DUOXA2: variants seen among roughly 807,000 people sequenced by gnomAD.
DUOXA2 encodes the protein dual oxidase maturation factor 2.
In DUOXA2, 22 loss-of-function variants were observed where a neutral mutation model predicts 27.6. The observed-to-expected ratio is 0.80, with a 90% CI of 0.57 to 1.14. The LOEUF (loss-of-function observed/expected upper bound fraction) is 1.14. DUOXA2 is among the 50% of genes most tolerant of loss of function. The pLI, the probability that DUOXA2 is intolerant of heterozygous loss-of-function variation, is 0.00. For missense variants in DUOXA2, 481 were observed against 419.9 expected, an observed-to-expected ratio of 1.15 and a Z score of -1.27; for synonymous variants, 188 against 184.4, an observed-to-expected ratio of 1.02 and a Z score of -0.16.
chr15:45,117,588 C>T (rs771005193), intron 5 of DUOXA2, 128 bp from the exon 6 acceptor site: 2 of 1,610,678 alleles, frequency 1.2e-6, no homozygotes, highest in Admixed American at 1.7e-5. Context: ...CCGGGCATCA[C>T]GCCTGTAATC....
intron 4 of DUOXA2, 122 bp downstream of exon 4, chr15:45,116,851 T>C: frequency 7.9e-7 from 1 of 1,261,012 alleles, no homozygotes; most frequent in Non-Finnish European, 1.1e-6. Context: ...GCGCTCGGGG[T>C]GGGCATGACA....
chr15:45,115,839 T>C lies in DUOXA2; in HGVS notation c.188T>C (p.Ile63Thr), dbSNP rs1447131524. 7 of 1,613,904 alleles carry C rather than the reference T, an allele frequency of 4.3e-6. No homozygotes were observed. Among genetic ancestry groups the C allele is most frequent in the Non-Finnish European group, 5.9e-6 (7 of 1,180,006 alleles). ...WLVRVLLSLF[I>T]GAEIVAVHFS... is the part of the protein sequence containing the mutation. Reference sequence around the variant, plus strand: ...GTGAGAGTTCTTCTCAGTCTGTTCATAGGCGCAGAAATTGTGGGTGAGTGT... The same window carrying C: ...GTGAGAGTTCTTCTCAGTCTGTTCACAGGCGCAGAAATTGTGGGTGAGTGT... Residue 63 changes from isoleucine (I) to threonine (T), a missense_variant, in exon 2 of 6, where the codon ATA becomes ACA. Transcript: ENST00000323030.
At position 45,118,356 on chromosome 15, in the gene DUOXA2, C is replaced by G; in HGVS notation, c.*447C>G. ...GAGGCAGGTCACCCACTCCCCCGTC[C>G]TGGATGCCACTCAGCTAGCCCAGCT... On this transcript the variant is annotated 3_prime_UTR_variant, in exon 6 of 6. Coordinates refer to ENST00000323030, the MANE Select transcript of DUOXA2 (RefSeq NM_207581.4). 2 of 1,157,382 alleles carry G rather than the reference C, an allele frequency of 1.7e-6. No individual in the cohort carries two copies. The highest frequency in any genetic ancestry group is 2.1e-6 in the Non-Finnish European group (2 of 938,234). 71.7% of individuals were successfully genotyped at this position (1,157,382 alleles called of 1,614,324 possible).
chr15:45,116,431 C>A, intron 3 of DUOXA2, 85 bp from the exon 4 acceptor site: 1 of 1,571,538 alleles, frequency 6.4e-7, no homozygotes, highest in South Asian at 1.1e-5. Flanking sequence ...GCCGAGAGCG[C>A]CACACCCCCA....
At position 45,117,712 on chromosome 15, in the gene DUOXA2, A is replaced by G. The variant is rs763366208; in HGVS notation, c.770-4A>G. The G allele has an allele frequency of 1.2e-6, 2 of 1,613,514 alleles. No individual in the cohort carries two copies. Among genetic ancestry groups the G allele is most frequent in the Non-Finnish European group, 8.5e-7 (1 of 1,179,578 alleles). Reference sequence around the variant, plus strand: ...CTCCTTTCTTTCGATCCCCACCGCCACAGGCGTCCTGTGCCTCTTCCTCGG... The same window carrying G: ...CTCCTTTCTTTCGATCCCCACCGCCGCAGGCGTCCTGTGCCTCTTCCTCGG... On this transcript the variant is annotated splice_polypyrimidine_tract_variant and splice_region_variant and intron_variant, in intron 5 of 5. Transcript: ENST00000323030.
chr15:45,117,037 C>T (rs890065394), intron 4 of DUOXA2, 54 bp from the exon 5 acceptor site: 42 of 1,570,736 alleles, frequency 2.7e-5, no homozygotes, highest in Admixed American at 2.2e-4. Context: ...GCTGTGGGAA[C>T]CCCGGTGGGC....
chr15:45,117,334 G>A (rs779248006), intron 5 of DUOXA2, 29 bp downstream of exon 5: 6 of 1,557,102 alleles, frequency 3.9e-6, no homozygotes, highest in Admixed American at 1.8e-5. Flanking sequence ...GGCCCCGGGG[G>A]CTAAGGGTGG....
chr15:45,116,884 C>A (rs1158744798), intron 4 of DUOXA2, 155 bp downstream of exon 4: 2 of 1,097,154 alleles, frequency 1.8e-6, no homozygotes, highest in Non-Finnish European at 2.7e-6. Context: ...AGAAGATCCA[C>A]GAGATCTGCA....
intron 4 of DUOXA2, 100 bp downstream of exon 4, chr15:45,116,829 G>A (rs1316864841): frequency 2.8e-6 from 4 of 1,419,334 alleles, no homozygotes; most frequent in Non-Finnish European, 3.9e-6. Context: ...AGCAGCTGCA[G>A]CCAGACCCGA....
At position 45,118,179 on chromosome 15, in the gene DUOXA2, A is replaced by T. The variant is rs749760888; in HGVS notation, c.*270A>T. On this transcript the variant is annotated 3_prime_UTR_variant, in exon 6 of 6. Transcript: ENST00000323030. ...GTCCTCATGAGCTTCGCTGGGCTGGAGACAGCCTAGTACACTCTCCGCAGT... is the reference window on the plus strand; with the variant it reads ...GTCCTCATGAGCTTCGCTGGGCTGGTGACAGCCTAGTACACTCTCCGCAGT... 4.2e-6 allele frequency: 6 copies of T among 1,435,568 alleles called. No individual in the cohort carries two copies. The highest frequency in any genetic ancestry group is 5.5e-6 in the Non-Finnish European group (6 of 1,100,406). 88.9% of individuals were successfully genotyped at this position (1,435,568 alleles called of 1,614,324 possible). A position where few individuals can be genotyped will look rare whatever the true frequency, so the allele number is the denominator to read the frequency against.
chr15:45,114,802 G>C, intron 1 of DUOXA2, 50 bp downstream of exon 1: 1 of 1,613,546 alleles, frequency 6.2e-7, no homozygotes, highest in African/African-American at 1.3e-5. Flanking sequence ...CTCATGGGCA[G>C]ATTGTCTCCT....
At position 45,114,563 on chromosome 15, in the gene DUOXA2, G is replaced by GC; in HGVS notation, c.-42dup. 1.2e-6 allele frequency: 2 copies of GC among 1,610,926 alleles called. No homozygotes were observed. The highest frequency in any genetic ancestry group is 1.7e-6 in the Non-Finnish European group (2 of 1,179,322). On this transcript the variant is annotated 5_prime_UTR_variant, in exon 1 of 6. Coordinates refer to ENST00000323030, the MANE Select transcript of DUOXA2 (RefSeq NM_207581.4). ...GCGTCCAGGCAGCCCCAGCTTGCTG[G>GC]CTTGCCTGCCCGCCTGCGTGCAGCA...
At position 45,114,469 on chromosome 15, in the gene DUOXA2, G is replaced by A. The variant is rs777182602; in HGVS notation, c.-137G>A. On this transcript the variant is annotated 5_prime_UTR_variant, in exon 1 of 6. Coordinates refer to ENST00000323030, the MANE Select transcript of DUOXA2 (RefSeq NM_207581.4). The stretch of plus-strand genomic sequence containing the variant: ...ACGCTTCCTTAACGGAGAGGTGCAG[G>A]ACTCAGACTTCACCAGCCCACTCGG... 4.2e-6 allele frequency: 5 copies of A among 1,176,672 alleles called. No homozygotes were observed. Among genetic ancestry groups the A allele is most frequent in the South Asian group, 1.3e-5 (1 of 75,246 alleles). 72.9% of individuals were successfully genotyped at this position (1,176,672 alleles called of 1,614,324 possible).
chr15:45,114,636 T>TA lies in DUOXA2; in HGVS notation c.32dup (p.Tyr11Ter). 1 of 1,614,196 alleles carries TA rather than the reference T, an allele frequency of 6.2e-7. No individual in the cohort carries two copies. Among genetic ancestry groups the TA allele is most frequent in the Non-Finnish European group, 8.5e-7 (1 of 1,180,008 alleles). ...CCTGTGGAACGGCGTACTGCCTTTT[T>TA]ACCCCCAGCCCCGGCATGCCGCAGG... MTLWNGVLPF[Y>*]PQPRHAAGFS... Residue 11 changes from tyrosine to a stop codon, truncating the protein, a stop_gained and frameshift_variant, in exon 1 of 6, where the codon TAC becomes TAAC. Transcript: ENST00000323030. LOFTEE classifies it high-confidence loss of function.
intron 1 of DUOXA2, 93 bp downstream of exon 1, chr15:45,114,845 G>A (rs1595531853): frequency 6.3e-7 from 1 of 1,582,556 alleles, no homozygotes. Flanking sequence ...CTGTACAAGA[G>A]CCTCCATGAA....
At chr15:45,116,003 A>G in intron 2 of DUOXA2, 121 bp from the exon 3 acceptor site, 1 of 1,593,074 alleles carries the variant, frequency 6.3e-7, no homozygotes, top group Non-Finnish European at 8.6e-7. Context: ...TTTGGCCCTT[A>G]CCATGCAACC....
chr15:45,115,308 G>A (rs1481390745), intron 1 of DUOXA2: 3 of 385,772 alleles, frequency 7.8e-6, no homozygotes, highest in African/African-American at 4.2e-5. Flanking sequence ...AGTTCTGGGA[G>A]GACCCAGCTT....
At chr15:45,116,999 C>A in intron 4 of DUOXA2, 92 bp from the exon 5 acceptor site, 2 of 1,442,046 alleles carry the variant, frequency 1.4e-6, no homozygotes, top group Middle Eastern at 2.4e-4. Flanking sequence ...CTGGCTTTGA[C>A]GCTGGGGTAG....
chr15:45,114,378 T>A lies in DUOXA2; in HGVS notation c.-228T>A. 1.7e-6 allele frequency: 1 copy of A among 602,576 alleles called. No individual in the cohort carries two copies. Among genetic ancestry groups the A allele is most frequent in the South Asian group, 2.0e-5 (1 of 51,166 alleles). The allele number at this position is 602,576 out of a possible 1,614,324, so 37.3% of individuals were successfully genotyped here. Reference sequence around the variant, plus strand: ...AACGGCTACAGACAGTGAGAAATAGTTTCGCTCGCCGGCTAGAAAAACTCT... The same window carrying A: ...AACGGCTACAGACAGTGAGAAATAGATTCGCTCGCCGGCTAGAAAAACTCT... On this transcript the variant is annotated 5_prime_UTR_variant, in exon 1 of 6. Transcript: ENST00000323030.
Sources: gnomAD v4.1 joint callset for allele counts on GRCh38, gnomAD v4.1.1 for gene constraint, MANE v1.5 for transcripts, NCBI Gene and HGNC (gene_info 2026-07-23, HGNC 2026-07-21) for gene names.